The following TTLL5 variants were observed in gnomAD, a reference collection of about 807,000 sequenced individuals.
The protein encoded by TTLL5 is tubulin polyglutamylase TTLL5.
Under a neutral mutation model 168.4 loss-of-function variants are expected in TTLL5, and 132 were observed. The ratio of observed to expected loss-of-function variants is 0.78; its 90% CI spans 0.68 to 0.91. The LOEUF (loss-of-function observed/expected upper bound fraction) is 0.91. TTLL5 is among the 40% of genes least tolerant of loss of function. The pLI is 0.00. For missense variants in TTLL5, 1,545 were observed against 1,581.5 expected, an observed-to-expected ratio of 0.98 and a Z score of 0.39; for synonymous variants, 546 against 558.6, an observed-to-expected ratio of 0.98 and a Z score of 0.32.
chr14:75,727,823 G>C (rs2140222890), intron 12 of TTLL5: 1 of 503,206 alleles, frequency 2.0e-6, no homozygotes. Flanking sequence ...ACTAATCTGT[G>C]ATGAAAGAAA....
rs1195610648 is a variant in TTLL5, at chr14:75,779,680, T to C, written c.2493T>C (p.Tyr831=). The C allele has an allele frequency of 6.2e-7, 1 of 1,612,990 alleles. No individual in the cohort carries two copies. Among genetic ancestry groups the C allele is most frequent in the Non-Finnish European group, 8.5e-7 (1 of 1,179,660 alleles). ...AAATTTCTAAGAACAACAACAATTA[T>C]TCTGATAGTGGGGCAAAAGGTGGTA... ...HSKISKNNNN[Y]SDSGAKGDHP... is the part of the protein sequence containing the mutation. Residue 831 remains tyrosine, a synonymous_variant, in exon 24 of 32, where the codon TAT becomes TAC. Coordinates refer to ENST00000298832, the MANE Select transcript of TTLL5 (RefSeq NM_015072.5).
intron 20 of TTLL5, among the ~76,000 whole-genome samples, chr14:75,769,657 C>T (rs536375245): frequency 6.6e-6 from 1 of 152,224 alleles, no homozygotes; most frequent in South Asian, 2.1e-4. Flanking sequence ...GGGATGAATC[C>T]GTGGAATTGG....
intron 14 of TTLL5, 108 bp from the exon 15 acceptor site, chr14:75,735,087 A>G (rs1888797916): frequency 2.1e-6 from 2 of 962,682 alleles, no homozygotes; most frequent in East Asian, 2.4e-5. Flanking sequence ...GATCTCTGTG[A>G]TATTTATGAC....
In TTLL5 at chr14:75,783,386, C is replaced by T. The variant is rs746967796; in HGVS notation, c.2842C>T (p.His948Tyr). ...TVSASASPCL[H>Y]PGAQNIPSPT... Reference sequence around the variant, plus strand: ...CTCTGCCAGTGCTTCTCCCTGCCTACATCCCGGGGCACAGAACATCCCAAG... The same window carrying T: ...CTCTGCCAGTGCTTCTCCCTGCCTATATCCCGGGGCACAGAACATCCCAAG... Residue 948 changes from histidine (H) to tyrosine (Y), a missense_variant, in exon 26 of 32, where the codon CAT becomes TAT. His to Tyr is a moderately conservative substitution (Grantham distance 83). Coordinates refer to ENST00000298832, the MANE Select transcript of TTLL5 (RefSeq NM_015072.5). 27 of 1,614,098 alleles carry T rather than the reference C, an allele frequency of 1.7e-5. No individual in the cohort carries two copies. Among genetic ancestry groups the T allele is most frequent in the Non-Finnish European group, 2.1e-5 (25 of 1,180,036 alleles).
chr14:75,787,332 C>T (rs1892427513), intron 26 of TTLL5, among the ~76,000 whole-genome samples: 1 of 152,064 alleles, frequency 6.6e-6, no homozygotes, highest in Non-Finnish European at 1.5e-5. Flanking sequence ...GAGATGAGTA[C>T]TAACCAGAAG....
At chr14:75,886,850 G>C in intron 30 of TTLL5, 1 of 1,514,542 alleles carries the variant, frequency 6.6e-7, no homozygotes, top group Non-Finnish European at 8.8e-7. Flanking sequence ...TACTCTCCAG[G>C]AAATATGGAG....
chr14:75,918,277 T>C (rs2033690647), intron 31 of TTLL5, among the ~76,000 whole-genome samples: 1 of 152,162 alleles, frequency 6.6e-6, no homozygotes, highest in Admixed American at 6.5e-5. Flanking sequence ...GCTGGGCACA[T>C]TGCCTTCCCA....
At chr14:75,734,615 A>G (rs1367033105) in intron 14 of TTLL5, among the ~76,000 whole-genome samples, 1 of 152,236 alleles carries the variant, frequency 6.6e-6, no homozygotes, top group African/African-American at 2.4e-5. Context: ...AGCGAATGCT[A>G]TAAAACTTAG....
intron 7 of TTLL5, 33 bp downstream of exon 7, chr14:75,699,303 T>C (rs1163004793): frequency 1.3e-6 from 2 of 1,561,098 alleles, no homozygotes; most frequent in East Asian, 4.5e-5. Context: ...ACCTCTCTCC[T>C]CACTTGTTCT....
chr14:75,930,683 C>T (rs868570416), intron 31 of TTLL5: 2 of 974,506 alleles, frequency 2.1e-6, no homozygotes, highest in Middle Eastern at 5.3e-4. Context: ...TAGGATTAGG[C>T]AAAGAAAGCA....
At chr14:75,922,781 C>T (rs1453957687) in intron 31 of TTLL5, among the ~76,000 whole-genome samples, 1 of 152,050 alleles carries the variant, frequency 6.6e-6, no homozygotes, top group African/African-American at 2.4e-5. Flanking sequence ...TTTCTATTGA[C>T]TGGAATAGTT....
chr14:75,807,362 C>T lies in TTLL5; in HGVS notation c.3172-12645C>T, dbSNP rs1012760654. 3.9e-5 allele frequency among the ~76,000 whole-genome samples: 6 copies of T among 152,084 alleles called. No individual in the cohort carries two copies. In the South Asian group the frequency reaches 6.2e-4, roughly 16 times the overall value. ...ACTCTGGAGGCTGAGGTGGGAGGAT[C>T]GATTGAGCCCAAGAGCTGCAGTGTG... is the stretch of plus-strand genomic sequence containing the variant. On this transcript the variant is annotated intron_variant, in intron 27 of 31. Transcript: ENST00000298832.
chr14:75,867,758 C>CAAAA (rs1399368296), intron 29 of TTLL5, among the ~76,000 whole-genome samples: 1 of 90,790 alleles, frequency 1.1e-5, no homozygotes. Context: ...AGACTGTCTC[C>CAAAA]AAAAAAAAAA....
intron 27 of TTLL5, among the ~76,000 whole-genome samples, chr14:75,803,451 C>T (rs1156446452): frequency 6.6e-6 from 1 of 152,204 alleles, no homozygotes; most frequent in African/African-American, 2.4e-5. Flanking sequence ...CAAACTTTCC[C>T]TGCCATGTGA....
chr14:75,735,050 G>A (rs1888795505), intron 14 of TTLL5, 145 bp from the exon 15 acceptor site: 1 of 690,474 alleles, frequency 1.4e-6, no homozygotes, highest in Non-Finnish European at 2.5e-6. Context: ...GTGTGTGGGA[G>A]AGTTGTGCAT....
At chr14:75,713,519 CA>C (rs1378288040) in intron 9 of TTLL5, among the ~76,000 whole-genome samples, 1 of 152,176 alleles carries the variant, frequency 6.6e-6, no homozygotes, top group African/African-American at 2.4e-5. Context: ...GTTGTATGTG[CA>C]AACTTGGTCC....
At chr14:75,862,968 C>T (rs1393019663) in intron 28 of TTLL5, among the ~76,000 whole-genome samples, 1 of 151,960 alleles carries the variant, frequency 6.6e-6, no homozygotes, top group Non-Finnish European at 1.5e-5. Context: ...ATAATTTGGG[C>T]AAGGAAGATA....
chr14:75,680,133 C>T (rs898650655), intron 3 of TTLL5, among the ~76,000 whole-genome samples: 1 of 152,182 alleles, frequency 6.6e-6, no homozygotes, highest in African/African-American at 2.4e-5. Flanking sequence ...TCTTAGCTAA[C>T]TTTTTCAGTT....
intron 29 of TTLL5, among the ~76,000 whole-genome samples, chr14:75,866,503 T>C (rs2139960683): frequency 6.6e-6 from 1 of 152,344 alleles, no homozygotes; most frequent in South Asian, 2.1e-4. Flanking sequence ...TGGAATGCGA[T>C]GTTAAAGGAG....
Sources: gnomAD v4.1 joint callset for allele counts (sites outside exome capture counted in the v4.1 genomes callset) on GRCh38, gnomAD v4.1.1 for gene constraint, MANE v1.5 for transcripts, NCBI Gene and HGNC (gene_info 2026-07-23, HGNC 2026-07-21) for gene names.